IFNGR2: variants seen among roughly 807,000 people sequenced by gnomAD.
IFNGR2 encodes IFN-gamma receptor 2.
IFNGR2 carries 15 observed loss-of-function variants against 41.1 expected under a neutral mutation model. The observed-to-expected ratio is 0.37, with a 90% CI of 0.24 to 0.56. The LOEUF (loss-of-function observed/expected upper bound fraction) is 0.56. Ranked by LOEUF, IFNGR2 falls within the 20% of genes least tolerant of loss-of-function variation. The pLI is 0.81. For synonymous variants in IFNGR2, 161 were observed against 171.6 expected, an observed-to-expected ratio of 0.94 and a Z score of 0.48; for missense variants, 362 against 415.7, an observed-to-expected ratio of 0.87 and a Z score of 1.12.
At chr21:33,413,020 G>A (rs201196496) in intron 1 of IFNGR2, among the ~76,000 whole-genome samples, 4 of 152,224 alleles carry the variant, frequency 2.6e-5, no homozygotes, top group South Asian at 4.1e-4. Flanking sequence ...ATGTCTGGGC[G>A]TCAGTTTCCC....
intron 4 of IFNGR2, among the ~76,000 whole-genome samples, chr21:33,429,203 G>C (rs2083864846): frequency 6.6e-6 from 1 of 152,094 alleles, no homozygotes; most frequent in South Asian, 2.1e-4. Context: ...TGGCTTCCAT[G>C]ATCAAAAGGT....
chr21:33,413,986 C>T (rs1214658733), intron 1 of IFNGR2, among the ~76,000 whole-genome samples: 1 of 151,968 alleles, frequency 6.6e-6, no homozygotes, highest in Admixed American at 6.6e-5. Context: ...GCGCTCACCA[C>T]CGCACCTGGC....
chr21:33,421,819 ACAC>A, intron 3 of IFNGR2, 134 bp downstream of exon 3: 1 of 781,864 alleles, frequency 1.3e-6, no homozygotes, highest in Non-Finnish European at 2.2e-6. Flanking sequence ...AGTCAAACCC[ACAC>A]TCTGACCTTG....
chr21:33,425,990 A>G (rs866567699), intron 3 of IFNGR2, among the ~76,000 whole-genome samples: 8 of 152,258 alleles, frequency 5.3e-5, no homozygotes, highest in Non-Finnish European at 1.0e-4. Context: ...TACAATGTGC[A>G]TGCTTACTTA....
chr21:33,408,618 G>A (rs572574906), intron 1 of IFNGR2, among the ~76,000 whole-genome samples: 5 of 152,234 alleles, frequency 3.3e-5, no homozygotes, highest in African/African-American at 9.6e-5. Flanking sequence ...TTGTTAAATG[G>A]TCCTAGTGTT....
intron 2 of IFNGR2, among the ~76,000 whole-genome samples, chr21:33,419,495 ACTGGGGTCACACTT>A (rs2083776086): frequency 6.6e-6 from 1 of 151,868 alleles, no homozygotes; most frequent in African/African-American, 2.4e-5. Flanking sequence ...ACCAAACCAG[ACTGGGGTCACACTT>A]CTGGGGTCTA....
intron 1 of IFNGR2, 52 bp downstream of exon 1, chr21:33,403,668 TG>T: frequency 1.9e-6 from 2 of 1,046,370 alleles, no homozygotes; most frequent in South Asian, 2.6e-5. Context: ...CCGCAGCATG[TG>T]GGGGCTGGGG....
intron 1 of IFNGR2, among the ~76,000 whole-genome samples, chr21:33,412,501 G>A (rs534596594): frequency 5.7e-4 from 87 of 152,298 alleles, no homozygotes; most frequent in African/African-American, 1.9e-3. Flanking sequence ...CCCCGATACC[G>A]TCAAGGCCTG....
chr21:33,411,087 A>C (rs1199256867), intron 1 of IFNGR2, among the ~76,000 whole-genome samples: 1 of 152,222 alleles, frequency 6.6e-6, no homozygotes, highest in Non-Finnish European at 1.5e-5. Flanking sequence ...AATCCTTGGC[A>C]CTTCCCTGTG....
intron 1 of IFNGR2, among the ~76,000 whole-genome samples, chr21:33,405,112 A>AG (rs1461408743): frequency 1.3e-5 from 2 of 150,540 alleles, no homozygotes; most frequent in East Asian, 3.9e-4. Flanking sequence ...AGAAAAAAAA[A>AG]AAAAAAAAAA....
chr21:33,409,163 C>T (rs1381412113), intron 1 of IFNGR2, among the ~76,000 whole-genome samples: 2 of 145,950 alleles, frequency 1.4e-5, no homozygotes, highest in Non-Finnish European at 3.0e-5. Flanking sequence ...GGTGACAGAA[C>T]AAGACTGTCT....
intron 3 of IFNGR2, among the ~76,000 whole-genome samples, chr21:33,424,702 GT>G (rs1435822370): frequency 3.3e-5 from 5 of 152,142 alleles, no homozygotes; most frequent in African/African-American, 1.2e-4. Context: ...CCTGGCTTCC[GT>G]TTCCTCGTCT....
At chr21:33,430,895 T>A (rs563081151) in intron 4 of IFNGR2, among the ~76,000 whole-genome samples, 2 of 152,348 alleles carry the variant, frequency 1.3e-5, no homozygotes, top group African/African-American at 4.8e-5. Flanking sequence ...TGGATTATAT[T>A]GTATCTCAAA....
At chr21:33,424,287 C>G (rs1260218821) in intron 3 of IFNGR2, among the ~76,000 whole-genome samples, 1 of 151,284 alleles carries the variant, frequency 6.6e-6, no homozygotes, top group African/African-American at 2.4e-5. Context: ...GGTGACAGAG[C>G]GAGGCTCTGT....
At chr21:33,405,169 TCTTGTGTATGTATCTG>T (rs2083669385) in intron 1 of IFNGR2, among the ~76,000 whole-genome samples, 1 of 152,030 alleles carries the variant, frequency 6.6e-6, no homozygotes, top group African/African-American at 2.4e-5. Flanking sequence ...GCTAGAACAT[TCTTGTGTATGTATCTG>T]CTTTTGTTTT....
chr21:33,434,280 G>A (rs573302555), intron 6 of IFNGR2, among the ~76,000 whole-genome samples: 4 of 152,142 alleles, frequency 2.6e-5, no homozygotes, highest in Admixed American at 2.6e-4. Context: ...CCAGGACTTG[G>A]GGAGGCCAGG....
intron 2 of IFNGR2, among the ~76,000 whole-genome samples, chr21:33,418,054 G>C (rs538675823): frequency 6.6e-6 from 1 of 151,826 alleles, no homozygotes; most frequent in Admixed American, 6.6e-5. Context: ...ACAGAGTCTC[G>C]CTCTGTCATC....
intron 6 of IFNGR2, among the ~76,000 whole-genome samples, chr21:33,433,224 G>A (rs937771026): frequency 6.6e-6 from 1 of 152,082 alleles, no homozygotes; most frequent in African/African-American, 2.4e-5. Context: ...GGGCCCCACT[G>A]CCCCTGGCAA....
In IFNGR2 at chr21:33,425,683, G is replaced by A. The variant is rs1410033857; in HGVS notation, c.413-1201G>A. Among the ~76,000 whole-genome samples, 3 of 152,310 alleles carry A rather than the reference G, an allele frequency of 2.0e-5. 1 individual carries two copies. The highest frequency in any genetic ancestry group is 3.4e-3 in the Middle Eastern group (1 of 294). ...ATCCACAAACATCACTATGGCTGGT[G>A]GTGGGCCAGGCCTGACCTCACTTCT... On this transcript the variant is annotated intron_variant, in intron 3 of 6. Coordinates refer to ENST00000290219, the MANE Select transcript of IFNGR2 (RefSeq NM_005534.4).
Sources: gnomAD v4.1 joint callset for allele counts (sites outside exome capture counted in the v4.1 genomes callset) on GRCh38, gnomAD v4.1.1 for gene constraint, MANE v1.5 for transcripts, NCBI Gene and HGNC (gene_info 2026-07-23, HGNC 2026-07-21) for gene names.